Variants in PAM observed in about 807,000 individuals in gnomAD.
PAM encodes the protein peptidylglycine alpha-amidating monooxygenase, also known as peptidyl-glycine alpha-amidating monooxygenase.
Under a neutral mutation model 122.1 loss-of-function variants are expected in PAM, and 72 were observed. The ratio of observed to expected loss-of-function variants is 0.59; its 90% CI spans 0.49 to 0.72. PAM has a LOEUF of 0.72. Among genes scored for constraint, PAM ranks in the 30% least tolerant of loss-of-function variants. The probability of loss-of-function intolerance (pLI) is 0.00; values close to 1 mark genes in which losing one functional copy is unlikely to be tolerated. For missense variants in PAM, 1,106 were observed against 1,183.7 expected (o/e 0.93, Z 0.96); for synonymous variants, 389 against 404.4 (o/e 0.96, Z 0.46).
At chr5:103,008,860 AAATTATCAGT>A (rs1157200299) in intron 20 of PAM, among the ~76,000 whole-genome samples, 4 of 152,150 alleles carry the variant, frequency 2.6e-5, no homozygotes, top group Non-Finnish European at 5.9e-5. Context: ...TATAAGAAGA[AAATTATCAGT>A]TGAGAAGGAA....
chr5:102,988,737 G>C (rs1582611665), intron 15 of PAM, among the ~76,000 whole-genome samples: 1 of 151,542 alleles, frequency 6.6e-6, no homozygotes, highest in South Asian at 2.1e-4. Context: ...GGGAAGGAAG[G>C]GAAGGAAGGA....
At chr5:102,940,556 T>A (rs1754855108) in intron 7 of PAM, among the ~76,000 whole-genome samples, 1 of 150,106 alleles carries the variant, frequency 6.7e-6, no homozygotes, top group Non-Finnish European at 1.5e-5. Context: ...GGTAAGAAAG[T>A]GATATCAGAG....
intron 5 of PAM, among the ~76,000 whole-genome samples, chr5:102,921,062 T>A (rs1747273224): frequency 6.6e-6 from 1 of 152,120 alleles, no homozygotes; most frequent in African/African-American, 2.4e-5. Flanking sequence ...CAGACTAGTT[T>A]TATTTTCAAA....
intron 15 of PAM, chr5:102,974,695 G>C (rs1188327151): frequency 6.5e-6 from 2 of 306,242 alleles, no homozygotes; most frequent in East Asian, 1.1e-4. Flanking sequence ...AAAATATTTG[G>C]ATCATTTGGG....
intron 5 of PAM, 44 bp downstream of exon 5, chr5:102,914,065 G>A: frequency 9.8e-7 from 1 of 1,022,048 alleles, no homozygotes; most frequent in South Asian, 1.3e-5. Flanking sequence ...TAGAAAATGT[G>A]TTTTACAAGT....
intron 3 of PAM, among the ~76,000 whole-genome samples, chr5:102,887,129 C>T (rs1793364965): frequency 6.6e-6 from 1 of 152,000 alleles, no homozygotes; most frequent in Non-Finnish European, 1.5e-5. Flanking sequence ...CCCACCAGAA[C>T]TCATGTTGAA....
chr5:102,975,939 A>G (rs1767505934), intron 15 of PAM, among the ~76,000 whole-genome samples: 2 of 152,136 alleles, frequency 1.3e-5, no homozygotes, highest in Admixed American at 1.3e-4. Context: ...TTGACTTAAG[A>G]TATTGCATTT....
chr5:102,796,849 C>T (rs974532765), intron 1 of PAM, among the ~76,000 whole-genome samples: 5 of 152,128 alleles, frequency 3.3e-5, no homozygotes, highest in Non-Finnish European at 5.9e-5. Flanking sequence ...GTCATAAAGT[C>T]GTTACATGGA....
chr5:102,953,354 T>G (rs1162570689), intron 12 of PAM, among the ~76,000 whole-genome samples: 1 of 152,148 alleles, frequency 6.6e-6, no homozygotes, highest in Non-Finnish European at 1.5e-5. Flanking sequence ...TACATACACA[T>G]GATGGAATAC....
chr5:102,754,963 G>C (rs1039419048), upstream of PAM: 3 of 152,262 alleles, frequency 2.0e-5, no homozygotes, highest in African/African-American at 4.8e-5. Flanking sequence ...CAGACACCCA[G>C]CACACGCGAC....
intron 21 of PAM, among the ~76,000 whole-genome samples, chr5:103,015,962 A>C (rs1046875002): frequency 6.6e-6 from 1 of 152,232 alleles, no homozygotes; most frequent in Non-Finnish European, 1.5e-5. Context: ...TTCTACAACC[A>C]TATGTTTTAC....
At chr5:102,870,665 A>G (rs1361496302) in intron 3 of PAM, among the ~76,000 whole-genome samples, 1 of 152,160 alleles carries the variant, frequency 6.6e-6, no homozygotes, top group Non-Finnish European at 1.5e-5. Flanking sequence ...CTTTTTTAGA[A>G]ATGGATAATC....
chr5:102,863,598 T>C (rs1435199410), intron 1 of PAM, among the ~76,000 whole-genome samples: 1 of 151,654 alleles, frequency 6.6e-6, no homozygotes, highest in East Asian at 1.9e-4. Context: ...CAGTATGTAT[T>C]ATAATCTTTT....
intron 1 of PAM, among the ~76,000 whole-genome samples, chr5:102,802,034 C>T (rs1580300134): frequency 6.6e-6 from 1 of 151,898 alleles, no homozygotes; most frequent in South Asian, 2.1e-4. Flanking sequence ...CCACCCGCCT[C>T]GGCCTCCCAA....
At position 102,771,531 on chromosome 5, in the gene PAM, A is replaced by G. The variant is rs149161964; in HGVS notation, c.-374+16183A>G. On this transcript the variant is annotated intron_variant, in intron 1 of 25. Coordinates refer to ENST00000438793, the MANE Select transcript of PAM (RefSeq NM_001177306.2). ...TACCAAGCAGTTTTTCATCTGTACA[A>G]CAACCTTGGTGAAGATGTGTCTGGC... Among the ~76,000 whole-genome samples, 247 of 152,248 alleles carry G rather than the reference A, an allele frequency of 1.6e-3. 1 individual carries two copies. Among genetic ancestry groups the G allele is most frequent in the Middle Eastern group, 0.014 (4 of 294 alleles).
intron 5 of PAM, among the ~76,000 whole-genome samples, chr5:102,919,849 G>A (rs1746768641): frequency 6.6e-6 from 1 of 151,936 alleles, no homozygotes; most frequent in Admixed American, 6.6e-5. Context: ...TAAGGTACTT[G>A]GATTAAAGGT....
intron 23 of PAM, 130 bp from the exon 24 acceptor site, chr5:103,025,001 A>G (rs1784548227): frequency 4.8e-6 from 3 of 631,186 alleles, no homozygotes; most frequent in Admixed American, 5.9e-5. Flanking sequence ...GTATTAAAAC[A>G]TGAAACCCCT....
intron 1 of PAM, among the ~76,000 whole-genome samples, chr5:102,806,864 G>A (rs1375244359): frequency 6.6e-6 from 1 of 152,174 alleles, no homozygotes; most frequent in African/African-American, 2.4e-5. Flanking sequence ...ACATATTCCA[G>A]ATTGTAAATT....
At position 102,959,990 on chromosome 5, in the gene PAM, A is replaced by C. The variant is rs1172067194; in HGVS notation, c.1021A>C (p.Ile341Leu). 1 of 1,612,480 alleles carries C rather than the reference A, an allele frequency of 6.2e-7. No homozygotes were observed. The highest frequency in any genetic ancestry group is 1.7e-5 in the Admixed American group (1 of 59,940). ...TGTAGCTCCAGATATGTTCAGAACC[A>C]TACCACCAGAGGCCAACATTCCAAT... ...QNVAPDMFRTIPPEANIPIPV... is the reference protein window; with the variant it reads ...QNVAPDMFRTLPPEANIPIPV... The change falls in exon 13 of 26, where the codon ATA becomes CTA. Residue 341 changes from isoleucine (I) to leucine (L), a missense_variant. By Grantham distance (5) the Ile-to-Leu change is conservative. Coordinates refer to ENST00000438793, the MANE Select transcript of PAM (RefSeq NM_001177306.2).
Sources: allele counts gnomAD v4.1 joint callset (sites outside exome capture counted in the v4.1 genomes callset), GRCh38; gene constraint gnomAD v4.1.1; transcripts MANE v1.5; gene names NCBI Gene and HGNC (gene_info 2026-07-23, HGNC 2026-07-21).